USP15: variants seen among roughly 807,000 people sequenced by gnomAD.
USP15 encodes ubiquitin specific peptidase 15.
In USP15, 18 loss-of-function variants were observed where a neutral mutation model predicts 127.1. The ratio of observed to expected loss-of-function variants is 0.14; its 90% CI spans 0.10 to 0.21. The LOEUF is 0.21. Ranked by LOEUF, USP15 falls within the 10% of genes least tolerant of loss-of-function variation. The pLI is 1.00. For synonymous variants in USP15, 364 were observed against 393.7 expected (o/e 0.92, Z 0.89); for missense variants, 805 against 1,159.9 (o/e 0.69, Z 4.44).
At chr12:62,302,763 G>T (rs768254154) in intron 2 of USP15, 27 bp from the exon 3 acceptor site, 12 of 1,595,604 alleles carry the variant, frequency 7.5e-6, no homozygotes, top group Non-Finnish European at 1.0e-5. Context: ...TTAGAGTTAG[G>T]TATTGAGTTT....
At chr12:62,265,308 C>T (rs189366443) in intron 1 of USP15, among the ~76,000 whole-genome samples, 60 of 152,266 alleles carry the variant, frequency 3.9e-4, no homozygotes, top group African/African-American at 1.4e-3. Context: ...AGGCCATGAC[C>T]TGTAATATTA....
At position 62,391,139 on chromosome 12, in the gene USP15, T is replaced by G; in HGVS notation, c.1961-18T>G. The G allele has an allele frequency of 1.3e-6, 2 of 1,599,658 alleles. No homozygotes were observed. The highest frequency in any genetic ancestry group is 1.7e-6 in the Non-Finnish European group (2 of 1,176,588). ...ATAGCATTGGGTTTATTTAAAGCTC[T>G]CTAATATCTAAAATTAGGTGAAATG... On this transcript the variant is annotated intron_variant, in intron 15 of 21. Coordinates refer to ENST00000280377, the MANE Select transcript of USP15 (RefSeq NM_001252078.2).
intron 2 of USP15, among the ~76,000 whole-genome samples, chr12:62,301,825 T>G (rs2064330788): frequency 6.6e-6 from 1 of 152,204 alleles, no homozygotes. Flanking sequence ...AAGAACAATT[T>G]TGCTTTCCGT....
chr12:62,335,424 G>T, intron 6 of USP15: 1 of 1,378,456 alleles, frequency 7.3e-7, no homozygotes, highest in East Asian at 2.7e-5. Context: ...TTTACCTGTC[G>T]ACCACATCCA....
chr12:62,380,408 A>T (rs1004557438), intron 8 of USP15, among the ~76,000 whole-genome samples: 3 of 152,054 alleles, frequency 2.0e-5, no homozygotes, highest in Non-Finnish European at 4.4e-5. Flanking sequence ...AGTTTATGGC[A>T]TGTAAGTTAT....
At chr12:62,402,156 C>T (rs1042509548) in intron 21 of USP15, among the ~76,000 whole-genome samples, 2 of 151,540 alleles carry the variant, frequency 1.3e-5, no homozygotes, top group Non-Finnish European at 2.9e-5. Flanking sequence ...AAACAGTTAT[C>T]TTGTTTATAT....
At chr12:62,389,315 G>A (rs758533357) in intron 11 of USP15, 116 bp from the exon 12 acceptor site, 1 of 824,896 alleles carries the variant, frequency 1.2e-6, no homozygotes. Context: ...CAAGATTGGA[G>A]ACAAACACTA....
At chr12:62,371,849 C>T (rs971110438) in intron 8 of USP15, among the ~76,000 whole-genome samples, 1 of 152,052 alleles carries the variant, frequency 6.6e-6, no homozygotes, top group Non-Finnish European at 1.5e-5. Flanking sequence ...AAAAATAGCT[C>T]GAGCGGAAAT....
Position 62,306,895 on chromosome 12 carries a change from A to G in USP15, c.348+3975A>G, listed in dbSNP as rs145113581. On this transcript the variant is annotated intron_variant, in intron 3 of 21. Transcript: ENST00000280377. ...CAGTACTATTCAGACAAAAGGCCCT[A>G]TAAAGTATTTAAGGGTTAACTTAGA... Among the ~76,000 whole-genome samples, 145 of 152,270 alleles carry G rather than the reference A, an allele frequency of 9.5e-4. 1 individual carries two copies. The highest frequency in any genetic ancestry group is 3.0e-3 in the African/African-American group (123 of 41,564).
At position 62,325,941 on chromosome 12, in the gene USP15, C is replaced by T. The variant is rs1482179962; in HGVS notation, c.683+8C>T. 12 of 1,606,234 alleles carry T rather than the reference C, an allele frequency of 7.5e-6. No homozygotes were observed. The highest frequency in any genetic ancestry group is 1.7e-5 in the Admixed American group (1 of 58,940). ...GGGTCCTTCTACTCCTAAGTAAGTG[C>T]TCCCACTTCTTATGGCTTATTGTAT... On this transcript the variant is annotated splice_region_variant and intron_variant, in intron 6 of 21. Transcript: ENST00000280377.
At chr12:62,273,294 G>A (rs182699311) in intron 1 of USP15, among the ~76,000 whole-genome samples, 20 of 151,978 alleles carry the variant, frequency 1.3e-4, no homozygotes, top group Admixed American at 1.1e-3. Flanking sequence ...ATAGCTCCCT[G>A]TACGTTTACT....
intron 8 of USP15, among the ~76,000 whole-genome samples, chr12:62,364,048 C>T (rs1489637115): frequency 1.3e-5 from 2 of 151,978 alleles, no homozygotes; most frequent in Non-Finnish European, 2.9e-5. Context: ...GAATGTAGAT[C>T]AGAGGCCTAA....
At position 62,288,746 on chromosome 12, in the gene USP15, A is replaced by G. The variant is rs750353424; in HGVS notation, c.90-5433A>G. Among the ~76,000 whole-genome samples the G allele has an allele frequency of 2.4e-4, 37 of 151,944 alleles. 1 individual carries two copies. Among genetic ancestry groups the G allele is most frequent in the Non-Finnish European group, 5.9e-5 (4 of 67,964 alleles). On this transcript the variant is annotated intron_variant, in intron 1 of 21. Transcript: ENST00000280377. ...TGTAGTTTCGTTGTTTGTGACTTTTATTATTTTGAGATATGTTCCTTCTGT... is the reference window on the plus strand; with the variant it reads ...TGTAGTTTCGTTGTTTGTGACTTTTGTTATTTTGAGATATGTTCCTTCTGT...
chr12:62,392,243 C>G (rs1035325823), intron 17 of USP15, 29 bp from the exon 18 acceptor site: 1 of 1,446,096 alleles, frequency 6.9e-7, no homozygotes, highest in Admixed American at 2.0e-5. Context: ...TTCATTTGTT[C>G]TCTTAACTCA....
intron 11 of USP15, among the ~76,000 whole-genome samples, chr12:62,387,098 T>C (rs2067174633): frequency 6.6e-6 from 1 of 152,094 alleles, no homozygotes; most frequent in Non-Finnish European, 1.5e-5. Context: ...CCCAAACCTG[T>C]GTTTAGTATT....
intron 9 of USP15, among the ~76,000 whole-genome samples, chr12:62,382,540 T>C (rs2067022475): frequency 6.6e-6 from 1 of 151,952 alleles, no homozygotes; most frequent in Non-Finnish European, 1.5e-5. Context: ...AGACAAACCA[T>C]CTCTCAGCTC....
At chr12:62,343,614 G>A (rs1311820087) in intron 6 of USP15, among the ~76,000 whole-genome samples, 2 of 152,196 alleles carry the variant, frequency 1.3e-5, no homozygotes, top group East Asian at 1.9e-4. Flanking sequence ...GGGCCAGGTA[G>A]CACAGTCCCT....
At chr12:62,378,583 C>A (rs907465932) in intron 8 of USP15, among the ~76,000 whole-genome samples, 1 of 151,966 alleles carries the variant, frequency 6.6e-6, no homozygotes, top group Non-Finnish European at 1.5e-5. Flanking sequence ...CAGTTTGAAA[C>A]CAGCATGTAT....
intron 2 of USP15, 186 bp downstream of exon 2, chr12:62,294,492 C>T: frequency 1.8e-6 from 1 of 542,054 alleles, no homozygotes; most frequent in Non-Finnish European, 2.9e-6. Flanking sequence ...TTCTGTATGA[C>T]AAGTTTTGTT....
Sources: gnomAD v4.1 joint callset for allele counts (sites outside exome capture counted in the v4.1 genomes callset) on GRCh38, gnomAD v4.1.1 for gene constraint, MANE v1.5 for transcripts, NCBI Gene and HGNC (gene_info 2026-07-23, HGNC 2026-07-21) for gene names.